Variants in ZNF578 observed in about 807,000 individuals in gnomAD.
ZNF578 encodes the protein Putative chemokine-related protein B42.
ZNF578 carries 8 observed loss-of-function variants against 8.3 expected under a neutral mutation model. The observed-to-expected ratio is 0.96, with a 90% confidence interval of 0.56 to 1.74. ZNF578 has a LOEUF of 1.74. Among genes scored for constraint, ZNF578 ranks in the 40% most tolerant of loss-of-function variants. ZNF578 has a pLI of 0.00. For synonymous variants in ZNF578, 206 were observed against 232.2 expected (o/e 0.89, Z 1.03); for missense variants, 726 against 707.5 (o/e 1.03, Z -0.30).
chr19:52,501,725 G>T, intron 3 of ZNF578, 102 bp from the exon 4 acceptor site: 5 of 1,190,964 alleles, frequency 4.2e-6, no homozygotes, highest in Non-Finnish European at 5.8e-6. Flanking sequence ...CAGTGGGGGG[G>T]GCTTCTTTGT....
Position 52,510,692 on chromosome 19 carries a change from A to G in ZNF578, c.311A>G (p.Gln104Arg), listed in dbSNP as rs774777326. ...ESYHTGDFCF[Q>R]EIEKDIHDFE... is the part of the protein sequence containing the mutation. Reference sequence around the variant, plus strand: ...TATCACACTGGAGATTTTTGCTTCCAGGAAATTGAAAAAGATATTCATGAC... The same window carrying G: ...TATCACACTGGAGATTTTTGCTTCCGGGAAATTGAAAAAGATATTCATGAC... The change falls in exon 6 of 6, where the codon CAG (glutamine) becomes CGG (arginine). Residue 104 changes from glutamine (Q) to arginine (R), a missense_variant. Gln to Arg is a conservative substitution (Grantham distance 43). Coordinates refer to ENST00000421239, the MANE Select transcript of ZNF578 (RefSeq NM_001099694.2). The G allele has an allele frequency of 4.3e-6, 7 of 1,613,286 alleles. No individual in the cohort carries two copies. The highest frequency in any genetic ancestry group is 5.9e-6 in the Non-Finnish European group (7 of 1,179,776).
chr19:52,504,007 A>G (rs2059416568), intron 4 of ZNF578, among the ~76,000 whole-genome samples: 1 of 152,056 alleles, frequency 6.6e-6, no homozygotes, highest in Non-Finnish European at 1.5e-5. Context: ...CATGTTGGCC[A>G]GGATGGTCTC....
At chr19:52,501,241 A>T (rs761603779) in intron 3 of ZNF578, among the ~76,000 whole-genome samples, 6 of 152,194 alleles carry the variant, frequency 3.9e-5, no homozygotes, top group Non-Finnish European at 5.9e-5. Context: ...CTTGGCCCCA[A>T]GCGGAGGGCA....
intron 5 of ZNF578, among the ~76,000 whole-genome samples, chr19:52,505,645 C>T (rs1471118723): frequency 6.6e-6 from 1 of 151,726 alleles, no homozygotes; most frequent in African/African-American, 2.4e-5. Context: ...AAGATGCTCT[C>T]GATCTCCTGA....
At chr19:52,501,632 G>C (rs556266957) in intron 3 of ZNF578, among the ~76,000 whole-genome samples, 195 bp from the exon 4 acceptor site, 1 of 152,272 alleles carries the variant, frequency 6.6e-6, no homozygotes, top group Non-Finnish European at 1.5e-5. Flanking sequence ...AGGGGGGCGA[G>C]ATCTGAAGAC....
intron 2 of ZNF578, among the ~76,000 whole-genome samples, chr19:52,460,907 T>C (rs1369046595): frequency 6.6e-6 from 1 of 152,196 alleles, no homozygotes; most frequent in Non-Finnish European, 1.5e-5. Flanking sequence ...TTTTCTTTTT[T>C]AAAACCACCG....
At chr19:52,503,825 G>A (rs951033881) in intron 4 of ZNF578, among the ~76,000 whole-genome samples, 10 of 140,170 alleles carry the variant, frequency 7.1e-5, no homozygotes, top group Middle Eastern at 3.5e-3. Flanking sequence ...TTGAGATGGA[G>A]TCTTGCTCTG....
intron 1 of ZNF578, chr19:52,456,126 T>C (rs2059238956): frequency 6.6e-6 from 1 of 152,304 alleles, no homozygotes; most frequent in South Asian, 2.1e-4. Context: ...GGTTCTGATA[T>C]CACCTTCTCA....
chr19:52,504,805 A>G (rs1171868425), intron 5 of ZNF578, 24 bp downstream of exon 5: 20 of 1,613,636 alleles, frequency 1.2e-5, no homozygotes, highest in Non-Finnish European at 1.7e-5. Flanking sequence ...CCCTGCAGAC[A>G]TGAGGAGTCT....
intron 2 of ZNF578, among the ~76,000 whole-genome samples, chr19:52,489,172 G>A (rs1367118845): frequency 1.1e-5 from 1 of 91,130 alleles, no homozygotes; most frequent in Non-Finnish European, 2.7e-5. Flanking sequence ...CGGAGGCTGA[G>A]GCAGGAGAAT....
intron 2 of ZNF578, among the ~76,000 whole-genome samples, chr19:52,475,451 G>T (rs549544345): frequency 6.6e-6 from 1 of 151,604 alleles, no homozygotes; most frequent in Admixed American, 6.6e-5. Context: ...CCACCTCCTG[G>T]GTTCAAGCAG....
At chr19:52,474,083 G>A in intron 2 of ZNF578, 1 of 384,494 alleles carries the variant, frequency 2.6e-6, no homozygotes, top group East Asian at 6.6e-5. Context: ...CCTCTCTCCA[G>A]TATGAATTCT....
rs1187969869 is a variant in ZNF578 at position 52,513,310 on chromosome 19, C to T, written c.*1156C>T. Among the ~76,000 whole-genome samples the T allele has an allele frequency of 1.3e-5, 2 of 150,856 alleles. No homozygotes were observed. Among genetic ancestry groups the T allele is most frequent in the Non-Finnish European group, 2.9e-5 (2 of 67,858 alleles). On this transcript the variant is annotated 3_prime_UTR_variant, in exon 6 of 6. Coordinates refer to ENST00000421239, the MANE Select transcript of ZNF578 (RefSeq NM_001099694.2). Reference sequence around the variant, plus strand: ...GTGATGAGATTACAGGCATATGCCACCGCGCCTGGCATTGTTTCTTCTTTT... The same window carrying T: ...GTGATGAGATTACAGGCATATGCCATCGCGCCTGGCATTGTTTCTTCTTTT...
intron 2 of ZNF578, among the ~76,000 whole-genome samples, chr19:52,460,151 A>G (rs1298677462): frequency 6.6e-6 from 1 of 151,922 alleles, no homozygotes; most frequent in African/African-American, 2.4e-5. Context: ...TGTATAAAAT[A>G]TCTACACACA....
intron 2 of ZNF578, among the ~76,000 whole-genome samples, chr19:52,467,623 A>G (rs898243414): frequency 6.6e-6 from 1 of 151,928 alleles, no homozygotes; most frequent in Non-Finnish European, 1.5e-5. Context: ...GCTCTTAAAA[A>G]AGAAAAAAAA....
At chr19:52,463,206 G>C (rs2059264248) in intron 2 of ZNF578, among the ~76,000 whole-genome samples, 1 of 152,148 alleles carries the variant, frequency 6.6e-6, no homozygotes, top group Admixed American at 6.6e-5. Context: ...TCCATTGTCT[G>C]TTTTTAATTT....
rs201895883 is a variant in ZNF578 at position 52,510,263 on chromosome 19, G to GT, written c.191-303dup. On this transcript the variant is annotated intron_variant, in intron 5 of 5. Coordinates refer to ENST00000421239, the MANE Select transcript of ZNF578 (RefSeq NM_001099694.2). ...CTCTTCCTTGATGTGACAGTGATAT[G>GT]TTTTTTGCAAACTGTGATACACTGT... 7.2e-3 allele frequency among the ~76,000 whole-genome samples: 1,099 copies of GT among 151,732 alleles called. 13 individuals carry two copies. The highest frequency in any genetic ancestry group is 0.023 in the African/African-American group (960 of 41,350).
intron 3 of ZNF578, among the ~76,000 whole-genome samples, chr19:52,493,070 G>T (rs2059372006): frequency 6.6e-6 from 1 of 152,152 alleles, no homozygotes; most frequent in South Asian, 2.1e-4. Flanking sequence ...TGGTCTTTCT[G>T]CTGTAGGGCA....
intron 2 of ZNF578, among the ~76,000 whole-genome samples, chr19:52,464,724 C>T (rs1232605566): frequency 6.6e-6 from 1 of 152,184 alleles, no homozygotes; most frequent in East Asian, 1.9e-4. Context: ...CTCTAACAGG[C>T]TGGATACCTC....
Sources: gnomAD v4.1 joint callset for allele counts (sites outside exome capture counted in the v4.1 genomes callset) on GRCh38, gnomAD v4.1.1 for gene constraint, MANE v1.5 for transcripts, NCBI Gene and HGNC (gene_info 2026-07-23, HGNC 2026-07-21) for gene names.